The following RAPGEF4 variants were observed in gnomAD, a reference collection of about 807,000 sequenced individuals.
RAPGEF4 encodes RAP guanine-nucleotide-exchange factor (GEF) 4.
RAPGEF4 carries 66 observed loss-of-function variants against 147.9 expected under a neutral mutation model. The ratio of observed to expected loss-of-function variants is 0.45; its 90% CI spans 0.37 to 0.55. The LOEUF (loss-of-function observed/expected upper bound fraction) is 0.55. RAPGEF4 is among the 20% of genes least tolerant of loss of function. RAPGEF4 has a pLI of 0.00. For synonymous variants in RAPGEF4, 419 were observed against 442.7 expected (o/e 0.95, Z 0.67); for missense variants, 1,071 against 1,257.3 (o/e 0.85, Z 2.24).
At chr2:173,003,579 G>A (rs1005931699) in intron 17 of RAPGEF4, among the ~76,000 whole-genome samples, 9 of 152,030 alleles carry the variant, frequency 5.9e-5, no homozygotes, top group African/African-American at 1.7e-4. Context: ...TATTAGCTTT[G>A]TGTTACAAAT....
At chr2:172,845,658 A>T (rs577984065) in intron 4 of RAPGEF4, among the ~76,000 whole-genome samples, 14 of 152,230 alleles carry the variant, frequency 9.2e-5, no homozygotes, top group Non-Finnish European at 1.6e-4. Context: ...ATTTACAAGT[A>T]GACTTTTAAT....
intron 23 of RAPGEF4, among the ~76,000 whole-genome samples, chr2:173,024,455 G>A (rs1448265871): frequency 2.1e-5 from 3 of 140,242 alleles, no homozygotes; most frequent in African/African-American, 7.4e-5. Flanking sequence ...CTGACCTCGT[G>A]ATCCGCCCGC....
rs1235949271 is a variant in RAPGEF4 at position 172,736,010 on chromosome 2, TTCC to T, written c.33_35del (p.Ser12del). ...TGGTCGCTGCGCACGCTGCCCATTC[TTCC>T]TCCTCTGCCGAGTGGATCGCCTGCC... On this transcript the variant is annotated inframe_deletion, in exon 1 of 31. Transcript: ENST00000397081. 6.8e-7 allele frequency: 1 copy of T among 1,479,952 alleles called. No individual in the cohort carries two copies. The highest frequency in any genetic ancestry group is 9.0e-7 in the Non-Finnish European group (1 of 1,113,790). The allele number at this position is 1,479,952 out of a possible 1,614,324, so 91.7% of individuals were successfully genotyped here. A position where few individuals can be genotyped will look rare whatever the true frequency, so the allele number is the denominator to read the frequency against.
At chr2:172,958,955 A>C (rs1391605572) in intron 6 of RAPGEF4, among the ~76,000 whole-genome samples, 1 of 152,238 alleles carries the variant, frequency 6.6e-6, no homozygotes, top group Non-Finnish European at 1.5e-5. Flanking sequence ...ATTTAGCTAC[A>C]TACAATATTA....
intron 3 of RAPGEF4, among the ~76,000 whole-genome samples, chr2:172,802,760 A>G (rs927562721): frequency 2.0e-5 from 3 of 152,226 alleles, no homozygotes; most frequent in Non-Finnish European, 4.4e-5. Flanking sequence ...GCCTATGAGC[A>G]TGTAAAATTA....
In RAPGEF4 at chr2:173,030,182, T is replaced by C. The variant is rs1335307026; in HGVS notation, c.2577T>C (p.Asn859=). The C allele has an allele frequency of 6.2e-7, 1 of 1,612,804 alleles. No individual in the cohort carries two copies. The highest frequency in any genetic ancestry group is 8.5e-7 in the Non-Finnish European group (1 of 1,178,768). ...KIAAHCKEYK[N]LNSFFAIVMG... is the part of the protein sequence containing the mutation. Reference sequence around the variant, plus strand: ...GTTTCAGCTGTAAGGAGTATAAAAATCTGAATTCCTTTTTTGCCATCGTCA... The same window carrying C: ...GTTTCAGCTGTAAGGAGTATAAAAACCTGAATTCCTTTTTTGCCATCGTCA... The change falls in exon 26 of 31, where the codon AAT becomes AAC. Residue 859 remains asparagine, a synonymous_variant. Transcript: ENST00000397081.
intron 19 of RAPGEF4, 54 bp downstream of exon 19, chr2:173,016,491 G>C (rs1695521938): frequency 7.0e-7 from 1 of 1,429,708 alleles, no homozygotes; most frequent in South Asian, 1.1e-5. Flanking sequence ...ATCTCAAAAA[G>C]TCCTTTGCCC....
chr2:172,925,741 G>GAGAAAGAGAGAAAGAGAGAAAGGA (rs1685225044), intron 6 of RAPGEF4, among the ~76,000 whole-genome samples: 1 of 139,092 alleles, frequency 7.2e-6, no homozygotes, highest in African/African-American at 2.7e-5. Context: ...TGAGAAGAAA[G>GAGAAAGAGAGAAAGAGAGAAAGGA]AGAAAGAGAG....
intron 1 of RAPGEF4, among the ~76,000 whole-genome samples, chr2:172,756,105 C>A: frequency 6.6e-6 from 1 of 152,232 alleles, no homozygotes. Flanking sequence ...AACCCTACTT[C>A]ATATCACTCA....
chr2:172,926,598 A>C (rs1466389487), intron 6 of RAPGEF4, among the ~76,000 whole-genome samples: 1 of 151,908 alleles, frequency 6.6e-6, no homozygotes, highest in Non-Finnish European at 1.5e-5. Context: ...TTCAAGATGG[A>C]GTCTCGCTCT....
chr2:172,800,880 T>C (rs748474587), intron 3 of RAPGEF4, among the ~76,000 whole-genome samples: 4 of 152,200 alleles, frequency 2.6e-5, no homozygotes, highest in Non-Finnish European at 4.4e-5. Context: ...CATTATAGTC[T>C]AGCCAAGTTG....
chr2:172,755,477 C>A (rs2149452163), intron 1 of RAPGEF4, among the ~76,000 whole-genome samples: 1 of 152,300 alleles, frequency 6.6e-6, no homozygotes, highest in East Asian at 1.9e-4. Flanking sequence ...TCACTGCAAC[C>A]TCTGCCTCTC....
At chr2:172,777,419 A>G (rs1684279199) in intron 1 of RAPGEF4, among the ~76,000 whole-genome samples, 4 of 152,138 alleles carry the variant, frequency 2.6e-5, no homozygotes, top group Admixed American at 2.6e-4. Context: ...CAATAATCAA[A>G]ATAAATCAGC....
At chr2:172,830,726 C>G (rs1317626781) in intron 4 of RAPGEF4, among the ~76,000 whole-genome samples, 1 of 152,170 alleles carries the variant, frequency 6.6e-6, no homozygotes, top group African/African-American at 2.4e-5. Flanking sequence ...ACCTTAGCCT[C>G]CTGTGTAGCC....
At chr2:172,934,756 A>G (rs2150106750) in intron 6 of RAPGEF4, among the ~76,000 whole-genome samples, 1 of 152,186 alleles carries the variant, frequency 6.6e-6, no homozygotes. Flanking sequence ...AAAAAAAAAA[A>G]AAGTTTCAGT....
At chr2:172,870,918 G>A (rs769246423) in intron 4 of RAPGEF4, among the ~76,000 whole-genome samples, 1 of 152,140 alleles carries the variant, frequency 6.6e-6, no homozygotes, top group Non-Finnish European at 1.5e-5. Flanking sequence ...TGTGAAAAGA[G>A]GTATAGCACC....
intron 6 of RAPGEF4, among the ~76,000 whole-genome samples, chr2:172,931,868 C>T (rs969581587): frequency 1.3e-5 from 2 of 152,056 alleles, no homozygotes; most frequent in African/African-American, 4.8e-5. Flanking sequence ...GGATTTGTAA[C>T]ATAGATGCGT....
chr2:172,773,134 C>T (rs1219731396), intron 1 of RAPGEF4, among the ~76,000 whole-genome samples: 1 of 152,052 alleles, frequency 6.6e-6, no homozygotes, highest in Admixed American at 6.6e-5. Flanking sequence ...CCTTCTTACA[C>T]AAGTTCATAA....
chr2:172,965,783 C>T (rs189562088), intron 9 of RAPGEF4, 100 bp downstream of exon 9: 90 of 1,491,350 alleles, frequency 6.0e-5, no homozygotes, highest in South Asian at 2.3e-4. Flanking sequence ...GAAAGAATTA[C>T]GATCCCTTTA....
Sources: allele counts gnomAD v4.1 joint callset (sites outside exome capture counted in the v4.1 genomes callset), GRCh38; gene constraint gnomAD v4.1.1; transcripts MANE v1.5; gene names NCBI Gene and HGNC (gene_info 2026-07-23, HGNC 2026-07-21).